ENTREP2: variants seen among roughly 807,000 people sequenced by gnomAD.
The protein encoded by ENTREP2 is endosomal transmembrane epsin interactor 2.
chr15:29,280,107 G>A, the ENTREP2 span, among the ~76,000 whole-genome samples: 1 of 152,164 alleles, frequency 6.6e-6, no homozygotes, highest in Non-Finnish European at 1.5e-5. Flanking sequence ...ATGTGATCCT[G>A]AAGTACCCAT....
the ENTREP2 span, among the ~76,000 whole-genome samples, chr15:29,657,455 T>A: frequency 0.18 from 20,199 of 115,020 alleles, 3,585 homozygotes; most frequent in African/African-American, 0.47. Flanking sequence ...AGTGGACCCC[T>A]GCGAGTTGCC....
the ENTREP2 span, among the ~76,000 whole-genome samples, chr15:29,466,290 A>C: frequency 6.6e-6 from 1 of 152,200 alleles, no homozygotes; most frequent in Non-Finnish European, 1.5e-5. Flanking sequence ...TGTTTCTGTC[A>C]TGGTCACTCT....
chr15:29,589,705 C>T, the ENTREP2 span, among the ~76,000 whole-genome samples: 1 of 152,188 alleles, frequency 6.6e-6, no homozygotes, highest in Non-Finnish European at 1.5e-5. Flanking sequence ...TCTATTCCTT[C>T]CAGACTTTGT....
chr15:29,593,000 TGAGCC>T, the ENTREP2 span, among the ~76,000 whole-genome samples: 1 of 152,136 alleles, frequency 6.6e-6, no homozygotes, highest in African/African-American at 2.4e-5. Flanking sequence ...TGCAGAACCA[TGAGCC>T]GAATAATAAA....
At chr15:29,354,058 A>G in the ENTREP2 span, among the ~76,000 whole-genome samples, 3 of 152,166 alleles carry the variant, frequency 2.0e-5, no homozygotes, top group Non-Finnish European at 2.9e-5. Flanking sequence ...GAATCTGTAG[A>G]CTGGAGTAGA....
the ENTREP2 span, among the ~76,000 whole-genome samples, chr15:29,280,581 C>T: frequency 6.6e-6 from 1 of 152,182 alleles, no homozygotes; most frequent in Non-Finnish European, 1.5e-5. Flanking sequence ...TGTTCCCTGG[C>T]AGACACATGT....
chr15:29,633,708 C>A, the ENTREP2 span, among the ~76,000 whole-genome samples: 11 of 152,256 alleles, frequency 7.2e-5, no homozygotes, highest in Non-Finnish European at 1.6e-4. Context: ...CGCCTGTAAT[C>A]CCAGCACTTT....
At chr15:29,421,231 AG>A in the ENTREP2 span, among the ~76,000 whole-genome samples, 1 of 152,202 alleles carries the variant, frequency 6.6e-6, no homozygotes, top group South Asian at 2.1e-4. Context: ...AGAGTAAGTT[AG>A]TGAAAGTGAA....
the ENTREP2 span, among the ~76,000 whole-genome samples, chr15:29,185,961 C>T: frequency 6.6e-6 from 1 of 152,146 alleles, no homozygotes. Flanking sequence ...TAAAAATAAC[C>T]TCTGATCTCC....
chr15:29,522,014 A>G, the ENTREP2 span, among the ~76,000 whole-genome samples: 1 of 152,210 alleles, frequency 6.6e-6, no homozygotes, highest in Non-Finnish European at 1.5e-5. Flanking sequence ...TGCAAAAGCA[A>G]TTCTGCGAGG....
the ENTREP2 span, among the ~76,000 whole-genome samples, chr15:29,384,589 T>C: frequency 6.6e-6 from 1 of 151,916 alleles, no homozygotes; most frequent in East Asian, 1.9e-4. Context: ...GTGGCCCCAC[T>C]CCTGTCCAGG....
chr15:29,527,899 C>T, the ENTREP2 span, among the ~76,000 whole-genome samples: 13 of 152,186 alleles, frequency 8.5e-5, no homozygotes, highest in East Asian at 7.7e-4. Context: ...TTGCTGGTTT[C>T]GCTGCTAAGA....
the ENTREP2 span, among the ~76,000 whole-genome samples, chr15:29,546,925 T>A: frequency 2.1e-5 from 3 of 142,586 alleles, no homozygotes; most frequent in Admixed American, 7.1e-5. Flanking sequence ...ACGGATACAA[T>A]TAGAAGATGA....
At chr15:29,563,097 T>C in the ENTREP2 span, among the ~76,000 whole-genome samples, 98,882 of 152,096 alleles carry the variant, frequency 0.65, 32,462 homozygotes, top group Non-Finnish European at 0.71. Context: ...TGTCAAGTTT[T>C]TCTCCTTATC....
At chr15:29,605,703 G>A in the ENTREP2 span, among the ~76,000 whole-genome samples, 1 of 151,912 alleles carries the variant, frequency 6.6e-6, no homozygotes, top group South Asian at 2.1e-4. Context: ...GGGCATGATG[G>A]GGGGGTGCCT....
the ENTREP2 span, among the ~76,000 whole-genome samples, chr15:29,439,334 A>G: frequency 2.0e-5 from 2 of 99,778 alleles, no homozygotes; most frequent in Non-Finnish European, 4.1e-5. Flanking sequence ...CACACACACA[A>G]ACAGTAGAGG....
chr15:29,478,782 AT>A, the ENTREP2 span, among the ~76,000 whole-genome samples: 1 of 148,328 alleles, frequency 6.7e-6, no homozygotes, highest in African/African-American at 2.5e-5. Flanking sequence ...GTGGGCGCCT[AT>A]AATCCCAGCT....
At chr15:29,633,636 T>C in the ENTREP2 span, among the ~76,000 whole-genome samples, 1 of 152,104 alleles carries the variant, frequency 6.6e-6, no homozygotes, top group African/African-American at 2.4e-5. Context: ...AAGGAAACTA[T>C]TTTAGTGTCC....
chr15:29,309,808 T>C, the ENTREP2 span, among the ~76,000 whole-genome samples: 1 of 145,320 alleles, frequency 6.9e-6, no homozygotes, highest in East Asian at 2.0e-4. Flanking sequence ...AAAAAAGTGC[T>C]CAGTGGTAAT....
Sources: gnomAD v4.1 joint callset for allele counts (sites outside exome capture counted in the v4.1 genomes callset) on GRCh38, gnomAD v4.1.1 for gene constraint, MANE v1.5 for transcripts, NCBI Gene and HGNC (gene_info 2026-07-23, HGNC 2026-07-21) for gene names.